CFAP299: variants seen among roughly 807,000 people sequenced by gnomAD.
The protein encoded by CFAP299 is cilia and flagella associated protein 299.
Under a neutral mutation model 27.0 loss-of-function variants are expected in CFAP299, and 21 were observed. The ratio of observed to expected loss-of-function variants is 0.78; its 90% CI spans 0.55 to 1.12. The LOEUF is 1.12. Among genes scored for constraint, CFAP299 ranks in the 50% most tolerant of loss-of-function variants. The probability of loss-of-function intolerance (pLI) is 0.00; values close to 1 mark genes in which losing one functional copy is unlikely to be tolerated. For missense variants in CFAP299, 310 were observed against 276.6 expected (o/e 1.12, Z -0.86); for synonymous variants, 104 against 98.1 (o/e 1.06, Z -0.36).
chr4:80,640,762 T>C (rs1739684310), intron 3 of CFAP299, among the ~76,000 whole-genome samples: 1 of 151,798 alleles, frequency 6.6e-6, no homozygotes, highest in South Asian at 2.1e-4. Context: ...CATGTGCACA[T>C]TGCTTATGTT....
chr4:80,550,877 C>T lies in CFAP299; in HGVS notation c.243-32216C>T, dbSNP rs550689932. 1.1e-4 allele frequency among the ~76,000 whole-genome samples: 17 copies of T among 152,134 alleles called. No homozygotes were observed. The South Asian group carries it at 3.5e-3, about 31-fold the overall frequency. On this transcript the variant is annotated intron_variant, in intron 2 of 5. Transcript: ENST00000358105. The stretch of plus-strand genomic sequence containing the variant: ...TCATATATACCAAACTATGCTATAA[C>T]TGCTTAAGGAGAGCCTTTCAGTTAC...
At chr4:80,647,361 A>G (rs910586080) in intron 3 of CFAP299, among the ~76,000 whole-genome samples, 55 of 152,322 alleles carry the variant, frequency 3.6e-4, no homozygotes, top group African/African-American at 1.2e-3. Context: ...CATTTGAAAA[A>G]TATCAAGTAA....
chr4:80,463,413 T>C (rs938670286), intron 2 of CFAP299, among the ~76,000 whole-genome samples: 3 of 152,192 alleles, frequency 2.0e-5, no homozygotes, highest in African/African-American at 4.8e-5. Flanking sequence ...TGATTACATA[T>C]AAATATTTAG....
chr4:80,405,661 T>C (rs1726377775), intron 2 of CFAP299, among the ~76,000 whole-genome samples: 1 of 151,978 alleles, frequency 6.6e-6, no homozygotes, highest in Non-Finnish European at 1.5e-5. Flanking sequence ...TAATATATTG[T>C]TTGGTATTAT....
intron 3 of CFAP299, among the ~76,000 whole-genome samples, chr4:80,821,447 C>G (rs1729701205): frequency 7.9e-5 from 12 of 152,170 alleles, no homozygotes; most frequent in Admixed American, 7.9e-4. Flanking sequence ...TACAAACAAG[C>G]TTCTAAAGAA....
At chr4:80,774,196 T>TGTTA (rs1726387801) in intron 3 of CFAP299, among the ~76,000 whole-genome samples, 1 of 151,938 alleles carries the variant, frequency 6.6e-6, no homozygotes, top group South Asian at 2.1e-4. Context: ...TTTGTGAGGT[T>TGTTA]GTTAAATCAG....
Position 80,450,365 on chromosome 4 carries a change from T to C in CFAP299, c.242+87481T>C, listed in dbSNP as rs1728839985. On this transcript the variant is annotated intron_variant, in intron 2 of 5. Coordinates refer to ENST00000358105, the MANE Select transcript of CFAP299 (RefSeq NM_152770.3). ...GATTAATACATCAAGAAGTTTTCAT[T>C]GCAGATAGATGACTCCACAGAAGTA... 2.6e-5 allele frequency among the ~76,000 whole-genome samples: 4 copies of C among 152,306 alleles called. No homozygotes were observed. The South Asian group carries it at 8.3e-4, about 32-fold the overall frequency.
At chr4:80,483,170 A>G (rs999085280) in intron 2 of CFAP299, among the ~76,000 whole-genome samples, 4 of 152,232 alleles carry the variant, frequency 2.6e-5, no homozygotes, top group Admixed American at 1.3e-4. Context: ...TGTGAGAAGG[A>G]TTTGACCTGC....
chr4:80,732,796 T>A (rs974692983), intron 3 of CFAP299, among the ~76,000 whole-genome samples: 5 of 152,154 alleles, frequency 3.3e-5, no homozygotes, highest in Non-Finnish European at 7.4e-5. Flanking sequence ...TCTTATATAA[T>A]GGATCTTCAA....
At chr4:80,473,749 G>T (rs1012440977) in intron 2 of CFAP299, among the ~76,000 whole-genome samples, 1 of 151,816 alleles carries the variant, frequency 6.6e-6, no homozygotes, top group African/African-American at 2.4e-5. Context: ...TGTTTTGTTT[G>T]TTTGTTTGTT....
intron 2 of CFAP299, among the ~76,000 whole-genome samples, chr4:80,472,459 A>G (rs776677136): frequency 6.6e-6 from 1 of 152,190 alleles, no homozygotes; most frequent in Non-Finnish European, 1.5e-5. Flanking sequence ...CGGATGAAAG[A>G]GGGGAATGCA....
At chr4:80,729,733 G>A (rs1264941512) in intron 3 of CFAP299, among the ~76,000 whole-genome samples, 2 of 151,566 alleles carry the variant, frequency 1.3e-5, no homozygotes, top group Admixed American at 1.3e-4. Context: ...CCGAGTAGCT[G>A]GGACTACAGG....
intron 2 of CFAP299, among the ~76,000 whole-genome samples, chr4:80,432,971 C>G (rs180999092): frequency 7.0e-4 from 106 of 152,312 alleles, no homozygotes; most frequent in Non-Finnish European, 1.1e-3. Context: ...CTTCTTTACT[C>G]ATCTTATATT....
intron 3 of CFAP299, among the ~76,000 whole-genome samples, chr4:80,710,351 G>A (rs140888644): frequency 8.9e-4 from 136 of 152,168 alleles, no homozygotes; most frequent in African/African-American, 3.2e-3. Context: ...AAAAAGACAA[G>A]TTTGTGATTG....
At chr4:80,825,369 G>A (rs1489310455) in intron 3 of CFAP299, among the ~76,000 whole-genome samples, 2 of 151,902 alleles carry the variant, frequency 1.3e-5, no homozygotes, top group South Asian at 4.1e-4. Context: ...GTAGCCAAAA[G>A]CATCTCAAGT....
chr4:80,332,535 A>G (rs541158064), upstream of CFAP299, among the ~76,000 whole-genome samples: 34 of 152,314 alleles, frequency 2.2e-4, no homozygotes, highest in African/African-American at 8.2e-4. Flanking sequence ...GAAGAAGTAA[A>G]ACGTTGATAT....
chr4:80,495,907 A>G (rs2110144840), intron 2 of CFAP299, among the ~76,000 whole-genome samples: 1 of 152,308 alleles, frequency 6.6e-6, no homozygotes, highest in South Asian at 2.1e-4. Flanking sequence ...CTGGTGCTGG[A>G]ACAGCAGCAT....
Position 80,782,592 on chromosome 4 carries a change from C to G in CFAP299, c.334-87401C>G, listed in dbSNP as rs11939619. 2.4e-3 allele frequency among the ~76,000 whole-genome samples: 291 copies of G among 120,480 alleles called. 2 individuals carry two copies. Among genetic ancestry groups the G allele is most frequent in the African/African-American group, 7.5e-3 (247 of 33,142 alleles). The allele number at this position is 120,480 out of a possible 152,430, so 79.0% of individuals were successfully genotyped here. ...TACATATATGAATATATAATATATT[C>G]ATATATAATATACATATATTAATAT... is the stretch of plus-strand genomic sequence containing the variant. On this transcript the variant is annotated intron_variant, in intron 3 of 5. Transcript: ENST00000358105.
At chr4:80,443,307 C>A (rs1016560455) in intron 2 of CFAP299, among the ~76,000 whole-genome samples, 1 of 152,298 alleles carries the variant, frequency 6.6e-6, no homozygotes, top group Non-Finnish European at 1.5e-5. Context: ...CCGAATCCAG[C>A]AGCACATCAA....
Sources: gnomAD v4.1 joint callset for allele counts (sites outside exome capture counted in the v4.1 genomes callset) on GRCh38, gnomAD v4.1.1 for gene constraint, MANE v1.5 for transcripts, NCBI Gene and HGNC (gene_info 2026-07-23, HGNC 2026-07-21) for gene names.